The following JMJD1C variants were observed in gnomAD, a reference collection of about 807,000 sequenced individuals.
JMJD1C encodes the protein jumonji domain containing 1C, also known as jumonji domain-containing protein 1C.
In JMJD1C, 31 loss-of-function variants were observed where a neutral mutation model predicts 245.3. The ratio of observed to expected loss-of-function variants is 0.13; its 90% CI spans 0.09 to 0.17. JMJD1C has a LOEUF of 0.17. JMJD1C is among the 10% of genes least tolerant of loss of function. The pLI is 1.00. For missense variants in JMJD1C, 2,691 were observed against 3,000.2 expected, an observed-to-expected ratio of 0.90 and a Z score of 2.41; for synonymous variants, 1,057 against 1,017.4, an observed-to-expected ratio of 1.04 and a Z score of -0.74.
chr10:63,174,389 G>T (rs536092322), intron 24 of JMJD1C, among the ~76,000 whole-genome samples: 1 of 152,220 alleles, frequency 6.6e-6, no homozygotes, highest in African/African-American at 2.4e-5. Flanking sequence ...ACAACAATAG[G>T]AATGAATCTC....
At chr10:63,272,571 G>C (rs78449386) in intron 2 of JMJD1C, among the ~76,000 whole-genome samples, 1 of 152,132 alleles carries the variant, frequency 6.6e-6, no homozygotes, top group African/African-American at 2.4e-5. Flanking sequence ...TTAGAACGAA[G>C]TGTTTTTAAT....
At chr10:63,341,097 C>T (rs772075956) in intron 2 of JMJD1C, among the ~76,000 whole-genome samples, 1 of 152,180 alleles carries the variant, frequency 6.6e-6, no homozygotes, top group Non-Finnish European at 1.5e-5. Flanking sequence ...ACAAATGCCA[C>T]TTAATGGTAT....
intron 2 of JMJD1C, among the ~76,000 whole-genome samples, chr10:63,284,624 T>C (rs1474465482): frequency 6.6e-6 from 1 of 152,214 alleles, no homozygotes. Flanking sequence ...GGCATGTTTC[T>C]GGTGACAAAA....
In JMJD1C at chr10:63,212,915, C is replaced by T. The variant is rs1157483427; in HGVS notation, c.2694+558G>A. The stretch of plus-strand genomic sequence containing the variant: ...TTTTATACCAAAAATTAGCCGGGCG[C>T]GGTGGCTCACACCTGTAATCCCAGC... On this transcript the variant is annotated intron_variant, in intron 8 of 25. Transcript: ENST00000399262. Among the ~76,000 whole-genome samples the T allele has an allele frequency of 8.0e-5, 12 of 150,824 alleles. 1 individual carries two copies. The highest frequency in any genetic ancestry group is 2.7e-4 in the African/African-American group (11 of 41,282).
At chr10:63,274,609 G>A (rs377227382) in intron 2 of JMJD1C, among the ~76,000 whole-genome samples, 1 of 151,948 alleles carries the variant, frequency 6.6e-6, no homozygotes, top group African/African-American at 2.4e-5. Flanking sequence ...ACTCCATGCA[G>A]ATCTTCTAAG....
chr10:63,247,781 A>G (rs904836604), intron 3 of JMJD1C, among the ~76,000 whole-genome samples: 1 of 152,018 alleles, frequency 6.6e-6, no homozygotes, highest in African/African-American at 2.4e-5. Flanking sequence ...TTTCCAAAGA[A>G]AAGTCCAGGA....
chr10:63,335,403 A>C (rs1157013432), intron 2 of JMJD1C, among the ~76,000 whole-genome samples: 1 of 152,248 alleles, frequency 6.6e-6, no homozygotes, highest in Non-Finnish European at 1.5e-5. Context: ...CCAGTTAAAA[A>C]GCTAAATATT....
chr10:63,174,183 C>T (rs1842659104), intron 24 of JMJD1C, among the ~76,000 whole-genome samples: 1 of 152,162 alleles, frequency 6.6e-6, no homozygotes, highest in Non-Finnish European at 1.5e-5. Context: ...TCCCACCATT[C>T]AGTATTTACT....
At chr10:63,489,268 C>T (rs1037937728) in intron 1 of JMJD1C, among the ~76,000 whole-genome samples, 13 of 152,034 alleles carry the variant, frequency 8.6e-5, no homozygotes, top group African/African-American at 1.2e-4. Flanking sequence ...GGCATGGTGG[C>T]GGGCGCCTGT....
chr10:63,449,686 T>C (rs1324840558), intron 1 of JMJD1C, among the ~76,000 whole-genome samples: 1 of 151,946 alleles, frequency 6.6e-6, no homozygotes, highest in Non-Finnish European at 1.5e-5. Context: ...ATGAAGAAAA[T>C]CATATCCACT....
At chr10:63,169,108 T>C (rs55908496) in intron 24 of JMJD1C, among the ~76,000 whole-genome samples, 2,001 of 152,308 alleles carry the variant, frequency 0.013, 30 homozygotes, top group African/African-American at 0.034. Flanking sequence ...GGATTTTGGT[T>C]ATTCATGCCT....
chr10:63,418,348 C>A (rs1949917051), intron 1 of JMJD1C, among the ~76,000 whole-genome samples: 1 of 152,158 alleles, frequency 6.6e-6, no homozygotes, highest in Non-Finnish European at 1.5e-5. Context: ...ATCTATCCTG[C>A]ATACAGTTTT....
At chr10:63,250,729 T>C (rs1441270276) in intron 3 of JMJD1C, among the ~76,000 whole-genome samples, 3 of 152,026 alleles carry the variant, frequency 2.0e-5, no homozygotes, top group African/African-American at 4.8e-5. Context: ...GGGTTAGGTA[T>C]GGTATTTTTG....
rs1248675696 is a variant in JMJD1C, at chr10:63,168,572, C to T, written c.7402-6G>A. The stretch of plus-strand genomic sequence containing the variant: ...CAGCTGTGAAAATTCTGAACCTATC[C>T]CCAAAAGAAAAACCGTGAAATACAA... On this transcript the variant is annotated splice_region_variant and splice_polypyrimidine_tract_variant and intron_variant, in intron 24 of 25. Coordinates refer to ENST00000399262, the MANE Select transcript of JMJD1C (RefSeq NM_032776.3). 1.3e-6 allele frequency: 2 copies of T among 1,559,170 alleles called. No individual in the cohort carries two copies. Among genetic ancestry groups the T allele is most frequent in the African/African-American group, 1.4e-5 (1 of 71,542 alleles).
At chr10:63,406,648 T>C (rs1024394344) in intron 1 of JMJD1C, among the ~76,000 whole-genome samples, 5 of 151,828 alleles carry the variant, frequency 3.3e-5, no homozygotes, top group East Asian at 3.9e-4. Flanking sequence ...TTAAGCAAAA[T>C]AGTATGGGAA....
At chr10:63,408,804 G>A (rs1229652716) in intron 1 of JMJD1C, among the ~76,000 whole-genome samples, 1 of 151,742 alleles carries the variant, frequency 6.6e-6, no homozygotes, top group East Asian at 1.9e-4. Flanking sequence ...CAGCAAAAGT[G>A]AGTCAAGGAA....
chr10:63,465,794 G>A lies in JMJD1C; in HGVS notation c.-132C>T, dbSNP rs1319052322. 4.6e-6 allele frequency: 5 copies of A among 1,083,150 alleles called. No individual in the cohort carries two copies. The Admixed American group carries it at 5.9e-5, about 13-fold the overall frequency. 67.1% of individuals were successfully genotyped at this position (1,083,150 alleles called of 1,614,324 possible). A position where few individuals can be genotyped will look rare whatever the true frequency, so the allele number is the denominator to read the frequency against. Reference sequence around the variant, plus strand: ...GCGGACCCGAAAGAGCGCAGACTCGGGACGAACCGGCCGCTCTGCCCCGGA... The same window carrying A: ...GCGGACCCGAAAGAGCGCAGACTCGAGACGAACCGGCCGCTCTGCCCCGGA... On this transcript the variant is annotated 5_prime_UTR_variant, in exon 1 of 26. Coordinates refer to ENST00000399262, the MANE Select transcript of JMJD1C (RefSeq NM_032776.3).
intron 3 of JMJD1C, among the ~76,000 whole-genome samples, chr10:63,253,423 G>A (rs1214622711): frequency 1.3e-5 from 2 of 149,144 alleles, no homozygotes; most frequent in Admixed American, 6.7e-5. Context: ...TTGCTCTGTC[G>A]CCCAGGCTGT....
At position 63,233,707 on chromosome 10, in the gene JMJD1C, T is replaced by C. The variant is rs995885628; in HGVS notation, c.448-13724A>G. On this transcript the variant is annotated intron_variant, in intron 3 of 25. Coordinates refer to ENST00000399262, the MANE Select transcript of JMJD1C (RefSeq NM_032776.3). Reference sequence around the variant, plus strand: ...ACTAGAAAGATTTTATATATATATGTATCTCCATATATACATATTATATAT... The same window carrying C: ...ACTAGAAAGATTTTATATATATATGCATCTCCATATATACATATTATATAT... Among the ~76,000 whole-genome samples, 36 of 149,744 alleles carry C rather than the reference T, an allele frequency of 2.4e-4. No homozygotes were observed. In the Middle Eastern group the frequency reaches 0.011, roughly 44 times the overall value.
Sources: allele counts gnomAD v4.1 joint callset (sites outside exome capture counted in the v4.1 genomes callset), GRCh38; gene constraint gnomAD v4.1.1; transcripts MANE v1.5; gene names NCBI Gene and HGNC (gene_info 2026-07-23, HGNC 2026-07-21).